The following FMNL2 variants were observed in gnomAD, a reference collection of about 807,000 sequenced individuals.
FMNL2 encodes formin-like protein 2.
In FMNL2, 51 loss-of-function variants were observed where a neutral mutation model predicts 130.2. That is an observed-to-expected ratio of 0.39 (90% CI 0.31 to 0.49). The LOEUF (loss-of-function observed/expected upper bound fraction) is 0.49, where lower values mean the gene tolerates loss of function less well. FMNL2 is among the 20% of genes least tolerant of loss of function. FMNL2 has a pLI of 0.85. For synonymous variants in FMNL2, 465 were observed against 467.1 expected (o/e 1.00, Z 0.06); for missense variants, 977 against 1,316.2 (o/e 0.74, Z 3.99).
intron 21 of FMNL2, among the ~76,000 whole-genome samples, chr2:152,635,934 CA>C (rs1682562566): frequency 6.6e-6 from 1 of 152,188 alleles, no homozygotes; most frequent in African/African-American, 2.4e-5. Context: ...TTTGAAGGTG[CA>C]GTGAGCTATG....
intron 2 of FMNL2, among the ~76,000 whole-genome samples, chr2:152,536,038 C>T (rs1308979771): frequency 1.3e-5 from 2 of 152,146 alleles, no homozygotes; most frequent in Non-Finnish European, 2.9e-5. Flanking sequence ...TTGTGTAAAT[C>T]ATTTTTTATT....
intron 1 of FMNL2, among the ~76,000 whole-genome samples, chr2:152,501,958 A>T (rs1691861890): frequency 6.6e-6 from 1 of 152,212 alleles, no homozygotes. Flanking sequence ...GCAAGTATGG[A>T]AAGGAACCTA....
intron 1 of FMNL2, among the ~76,000 whole-genome samples, chr2:152,441,822 G>C (rs574451370): frequency 7.4e-6 from 1 of 135,690 alleles, no homozygotes; most frequent in East Asian, 2.4e-4. Context: ...GCAACAGAGC[G>C]ACACTCCGTC....
intron 1 of FMNL2, among the ~76,000 whole-genome samples, chr2:152,515,031 C>T (rs1692685724): frequency 6.6e-6 from 1 of 152,094 alleles, no homozygotes; most frequent in Admixed American, 6.6e-5. Flanking sequence ...GTATAAATAA[C>T]TTAGCTGAGA....
intron 1 of FMNL2, among the ~76,000 whole-genome samples, chr2:152,518,997 T>C (rs1031378990): frequency 5.3e-5 from 8 of 152,198 alleles, no homozygotes; most frequent in Non-Finnish European, 8.8e-5. Context: ...TCCAACTTCA[T>C]CTTTTTCTCA....
chr2:152,631,203 T>C (rs1034355872), intron 20 of FMNL2, among the ~76,000 whole-genome samples: 1 of 151,594 alleles, frequency 6.6e-6, no homozygotes, highest in Non-Finnish European at 1.5e-5. Flanking sequence ...CTGGCCAACA[T>C]GGCGAAACCC....
chr2:152,450,648 G>A (rs1688589255), intron 1 of FMNL2, among the ~76,000 whole-genome samples: 1 of 152,170 alleles, frequency 6.6e-6, no homozygotes, highest in African/African-American at 2.4e-5. Flanking sequence ...GGGGCCAGGA[G>A]CAGAGCCATC....
intron 1 of FMNL2, among the ~76,000 whole-genome samples, chr2:152,342,450 G>A (rs555491131): frequency 1.3e-5 from 2 of 152,154 alleles, no homozygotes; most frequent in African/African-American, 4.8e-5. Context: ...CTTGTAGAGC[G>A]GCTCTTTATG....
chr2:152,458,779 T>TA (rs2105111593), intron 1 of FMNL2, among the ~76,000 whole-genome samples: 1 of 152,320 alleles, frequency 6.6e-6, no homozygotes, highest in South Asian at 2.1e-4. Flanking sequence ...TGAGGGAGGA[T>TA]AATTGACCTT....
chr2:152,455,399 A>C (rs1171219649), intron 1 of FMNL2, among the ~76,000 whole-genome samples: 2 of 152,158 alleles, frequency 1.3e-5, no homozygotes, highest in African/African-American at 4.8e-5. Context: ...GAATGAGGAA[A>C]GGCACGGGTG....
intron 1 of FMNL2, among the ~76,000 whole-genome samples, chr2:152,348,251 T>A (rs193113961): frequency 2.9e-3 from 443 of 152,340 alleles, no homozygotes; most frequent in Non-Finnish European, 4.7e-3. Context: ...AATAGGGAGA[T>A]GCTTTCATAT....
At chr2:152,453,062 C>T (rs892931571) in intron 1 of FMNL2, among the ~76,000 whole-genome samples, 9 of 151,988 alleles carry the variant, frequency 5.9e-5, no homozygotes, top group African/African-American at 9.7e-5. Flanking sequence ...ATTAGCTGGG[C>T]GTGGTGGTCA....
intron 1 of FMNL2, among the ~76,000 whole-genome samples, chr2:152,363,102 A>G (rs1683273143): frequency 6.6e-6 from 1 of 152,220 alleles, no homozygotes; most frequent in South Asian, 2.1e-4. Context: ...AAAATGTTCT[A>G]AAATTGGTGG....
chr2:152,435,556 G>A (rs1484281994), intron 1 of FMNL2, among the ~76,000 whole-genome samples: 3 of 150,430 alleles, frequency 2.0e-5, no homozygotes, highest in Non-Finnish European at 4.4e-5. Context: ...AGGATATTAG[G>A]AAGAACCTCA....
chr2:152,377,502 G>A (rs966620819), intron 1 of FMNL2, among the ~76,000 whole-genome samples: 3 of 152,158 alleles, frequency 2.0e-5, no homozygotes, highest in Admixed American at 6.5e-5. Flanking sequence ...CTATTGAAAC[G>A]TAAATTAAAT....
chr2:152,392,563 T>C (rs1161555474), intron 1 of FMNL2, among the ~76,000 whole-genome samples: 3 of 152,230 alleles, frequency 2.0e-5, no homozygotes, highest in African/African-American at 7.2e-5. Context: ...ACCCTCTTGC[T>C]GCATCCTCAT....
chr2:152,594,121 T>G (rs1697628724), intron 9 of FMNL2, among the ~76,000 whole-genome samples: 1 of 152,098 alleles, frequency 6.6e-6, no homozygotes, highest in Admixed American at 6.5e-5. Flanking sequence ...TCTGGTATAT[T>G]GTGATGTAAG....
chr2:152,638,979 G>A (rs1183747090), intron 23 of FMNL2, among the ~76,000 whole-genome samples: 1 of 152,210 alleles, frequency 6.6e-6, no homozygotes. Context: ...AAAAGAAGCT[G>A]CCCTTGGTGG....
At chr2:152,546,103 C>A (rs1358963193) in intron 3 of FMNL2, among the ~76,000 whole-genome samples, 3 of 152,148 alleles carry the variant, frequency 2.0e-5, no homozygotes, top group Non-Finnish European at 2.9e-5. Flanking sequence ...GTCCTCAGTG[C>A]TACGCTGGGT....
Sources: gnomAD v4.1 joint callset for allele counts (sites outside exome capture counted in the v4.1 genomes callset) on GRCh38, gnomAD v4.1.1 for gene constraint, MANE v1.5 for transcripts, NCBI Gene and HGNC (gene_info 2026-07-23, HGNC 2026-07-21) for gene names.